The following SPAG16 variants were observed in gnomAD, a reference collection of about 807,000 sequenced individuals.
SPAG16 encodes sperm-associated antigen 16 protein.
A neutral mutation model predicts 80.4 loss-of-function variants in SPAG16; 86 were observed. The observed-to-expected ratio is 1.07, with a 90% CI of 0.90 to 1.28. The LOEUF (loss-of-function observed/expected upper bound fraction) is 1.28, where lower values mean the gene tolerates loss of function less well. Ranked by LOEUF, SPAG16 falls within the 50% of genes most tolerant of loss-of-function variation. The pLI is 0.00. For missense variants in SPAG16, 870 were observed against 765.3 expected, an observed-to-expected ratio of 1.14 and a Z score of -1.61; for synonymous variants, 294 against 265.9, an observed-to-expected ratio of 1.11 and a Z score of -1.03.
intron 12 of SPAG16, among the ~76,000 whole-genome samples, chr2:213,949,179 T>TTGTTTGTTTGTTTTTTTGTTTTTTTG: frequency 2.8e-5 from 1 of 36,264 alleles, no homozygotes; most frequent in African/African-American, 8.1e-5. Flanking sequence ...GTTTTTTTTT[T>TTGTTTGTTTGTTTTTTTGTTTTTTTG]TTTTTTTTTT....
chr2:213,385,179 T>C (rs2067362766), intron 9 of SPAG16, among the ~76,000 whole-genome samples: 1 of 152,170 alleles, frequency 6.6e-6, no homozygotes, highest in South Asian at 2.1e-4. Context: ...TGGCCTTTTA[T>C]GGTGTATCCA....
chr2:214,045,522 G>A (rs1407006603), intron 13 of SPAG16, among the ~76,000 whole-genome samples: 2 of 152,164 alleles, frequency 1.3e-5, no homozygotes, highest in African/African-American at 4.8e-5. Flanking sequence ...GAAACGTAAA[G>A]GGGACTTTGT....
intron 3 of SPAG16, 148 bp downstream of exon 3, chr2:213,297,505 CT>C (rs1370619914): frequency 2.0e-6 from 1 of 506,278 alleles, no homozygotes; most frequent in Non-Finnish European, 3.5e-6. Flanking sequence ...CAAGCCTTCA[CT>C]TTAAGGTAAG....
chr2:213,389,951 TACTC>T (rs1210376593), intron 9 of SPAG16, among the ~76,000 whole-genome samples: 4 of 152,212 alleles, frequency 2.6e-5, no homozygotes, highest in African/African-American at 4.8e-5. Context: ...ATAGCAGTGT[TACTC>T]ACAGTAGCTG....
intron 10 of SPAG16, among the ~76,000 whole-genome samples, chr2:213,833,556 T>TATTATAA (rs2073896871): frequency 1.7e-4 from 1 of 5,784 alleles, no homozygotes; most frequent in African/African-American, 5.7e-4. Flanking sequence ...ATAATATATA[T>TATTATAA]AATATATATA....
intron 10 of SPAG16, among the ~76,000 whole-genome samples, chr2:213,745,352 C>T (rs997684612): frequency 2.0e-5 from 3 of 152,246 alleles, no homozygotes; most frequent in South Asian, 2.1e-4. Context: ...AAGCAATTCT[C>T]CTGCCTCAGC....
intron 10 of SPAG16, among the ~76,000 whole-genome samples, chr2:213,565,770 A>T (rs980155075): frequency 6.6e-6 from 1 of 152,226 alleles, no homozygotes; most frequent in Admixed American, 6.5e-5. Context: ...AGAAGGATGG[A>T]AGACCAGTTT....
At chr2:214,302,490 T>C (rs1422200426) in intron 15 of SPAG16, among the ~76,000 whole-genome samples, 1 of 152,134 alleles carries the variant, frequency 6.6e-6, no homozygotes, top group African/African-American at 2.4e-5. Context: ...CTTCAGTTTT[T>C]TTGTTTTGGA....
chr2:213,341,441 C>A (rs1488919541), intron 6 of SPAG16, among the ~76,000 whole-genome samples: 1 of 152,078 alleles, frequency 6.6e-6, no homozygotes, highest in Non-Finnish European at 1.5e-5. Context: ...TCCATATTTC[C>A]TTTCATTGTA....
At chr2:213,606,292 C>T (rs1553586176) in intron 10 of SPAG16, among the ~76,000 whole-genome samples, 3 of 152,150 alleles carry the variant, frequency 2.0e-5, no homozygotes, top group Non-Finnish European at 1.5e-5. Context: ...GATGTATGCT[C>T]AACAAAGTGG....
chr2:213,309,764 C>G (rs1312447163), intron 3 of SPAG16, among the ~76,000 whole-genome samples: 1 of 152,110 alleles, frequency 6.6e-6, no homozygotes, highest in African/African-American at 2.4e-5. Flanking sequence ...CTTTAGTCCT[C>G]TACTTTCTCC....
chr2:213,415,856 G>A (rs1444272418), intron 9 of SPAG16, among the ~76,000 whole-genome samples: 3 of 152,186 alleles, frequency 2.0e-5, no homozygotes, highest in Non-Finnish European at 4.4e-5. Context: ...TTGCTGCAAG[G>A]GAATAGGGTC....
At chr2:213,460,104 A>T (rs1243107341) in intron 9 of SPAG16, among the ~76,000 whole-genome samples, 3 of 152,022 alleles carry the variant, frequency 2.0e-5, no homozygotes, top group Non-Finnish European at 4.4e-5. Flanking sequence ...GTCTTCTGCC[A>T]CTCACCTTTG....
intron 13 of SPAG16, among the ~76,000 whole-genome samples, chr2:214,106,791 C>G (rs1357258658): frequency 6.6e-6 from 1 of 152,136 alleles, no homozygotes; most frequent in Non-Finnish European, 1.5e-5. Flanking sequence ...TGAATCTACT[C>G]TTCTGACTGA....
chr2:214,236,639 G>A (rs139751132), intron 15 of SPAG16, among the ~76,000 whole-genome samples: 2,458 of 150,800 alleles, frequency 0.016, 40 homozygotes, highest in African/African-American at 0.037. Context: ...GTGACAGAGC[G>A]AGACTCCGTT....
intron 9 of SPAG16, among the ~76,000 whole-genome samples, chr2:213,407,702 G>C (rs541205894): frequency 6.8e-6 from 1 of 147,918 alleles, no homozygotes; most frequent in Admixed American, 6.8e-5. Context: ...AAGAGAGAGA[G>C]AGAGACAGAG....
intron 13 of SPAG16, among the ~76,000 whole-genome samples, chr2:214,095,681 T>G (rs1401388808): frequency 6.6e-6 from 1 of 152,114 alleles, no homozygotes; most frequent in Middle Eastern, 3.2e-3. Context: ...ATTGGCTTCA[T>G]AATTTGGGAA....
chr2:214,138,683 G>A (rs889585568), intron 14 of SPAG16, among the ~76,000 whole-genome samples: 1 of 152,052 alleles, frequency 6.6e-6, no homozygotes, highest in Non-Finnish European at 1.5e-5. Flanking sequence ...TTTCTTTATT[G>A]TACTAGACCT....
intron 15 of SPAG16, among the ~76,000 whole-genome samples, chr2:214,330,854 G>A (rs1396133864): frequency 6.6e-6 from 1 of 152,134 alleles, no homozygotes; most frequent in Non-Finnish European, 1.5e-5. Flanking sequence ...CATCCATTAG[G>A]GCTCAACCCT....
Sources: allele counts gnomAD v4.1 joint callset (sites outside exome capture counted in the v4.1 genomes callset), GRCh38; gene constraint gnomAD v4.1.1; transcripts MANE v1.5; gene names NCBI Gene and HGNC (gene_info 2026-07-23, HGNC 2026-07-21).